Variants in APBB2 observed in about 807,000 individuals in gnomAD.
APBB2 encodes the protein Fe65-like 1.
A neutral mutation model predicts 82.5 loss-of-function variants in APBB2; 38 were observed. The ratio of observed to expected loss-of-function variants is 0.46; its 90% confidence interval spans 0.36 to 0.60. The LOEUF (loss-of-function observed/expected upper bound fraction) is 0.60. Ranked by LOEUF, APBB2 falls within the 20% of genes least tolerant of loss-of-function variation. APBB2 has a pLI of 0.00. For missense variants in APBB2, 772 were observed against 972.3 expected (o/e 0.79, Z 2.74); for synonymous variants, 341 against 368.2 (o/e 0.93, Z 0.85).
At chr4:40,875,308 G>A (rs1205085844) in intron 12 of APBB2, among the ~76,000 whole-genome samples, 1 of 152,170 alleles carries the variant, frequency 6.6e-6, no homozygotes, top group Non-Finnish European at 1.5e-5. Flanking sequence ...AAGACAAAAG[G>A]AGGACAGTGT....
intron 12 of APBB2, among the ~76,000 whole-genome samples, chr4:40,889,271 T>C (rs1478888952): frequency 6.6e-6 from 1 of 152,236 alleles, no homozygotes; most frequent in Non-Finnish European, 1.5e-5. Flanking sequence ...CACTGATGAA[T>C]ACTTGGCCAT....
chr4:40,882,857 G>A (rs1270530157), intron 12 of APBB2, among the ~76,000 whole-genome samples: 1 of 152,172 alleles, frequency 6.6e-6, no homozygotes, highest in African/African-American at 2.4e-5. Flanking sequence ...AAACTTCTTT[G>A]GTGATTGAGT....
At chr4:40,920,789 TG>T (rs988672104) in intron 10 of APBB2, among the ~76,000 whole-genome samples, 21 of 152,162 alleles carry the variant, frequency 1.4e-4, no homozygotes, top group African/African-American at 4.8e-4. Context: ...GAGAATCACT[TG>T]AATCTGGGAG....
intron 10 of APBB2, among the ~76,000 whole-genome samples, chr4:40,895,969 C>G (rs1467185969): frequency 6.6e-6 from 1 of 152,190 alleles, no homozygotes; most frequent in Non-Finnish European, 1.5e-5. Flanking sequence ...CACTTAACCA[C>G]TTTGCTATAT....
At chr4:41,101,174 A>C (rs1745195820) in intron 2 of APBB2, among the ~76,000 whole-genome samples, 1 of 152,192 alleles carries the variant, frequency 6.6e-6, no homozygotes, top group Admixed American at 6.5e-5. Flanking sequence ...TTGTAAATAG[A>C]AGTGAATCGG....
intron 12 of APBB2, among the ~76,000 whole-genome samples, chr4:40,839,504 TCAGGTCAAATACATGGCA>T (rs1755100687): frequency 6.6e-6 from 1 of 152,202 alleles, no homozygotes; most frequent in East Asian, 1.9e-4. Flanking sequence ...TCACAGTTGC[TCAGGTCAAATACATGGCA>T]TGTTTTATTG....
intron 2 of APBB2, among the ~76,000 whole-genome samples, chr4:41,124,681 G>A (rs1753885171): frequency 6.6e-6 from 1 of 152,172 alleles, no homozygotes; most frequent in Non-Finnish European, 1.5e-5. Flanking sequence ...CCATGAATCT[G>A]CTGGATATTC....
At chr4:41,136,590 A>G (rs1757630596) in intron 2 of APBB2, among the ~76,000 whole-genome samples, 1 of 152,196 alleles carries the variant, frequency 6.6e-6, no homozygotes, top group South Asian at 2.1e-4. Context: ...ATTACGAAGA[A>G]AGCAGGAAGC....
chr4:41,106,434 T>C (rs1747262524), intron 2 of APBB2, among the ~76,000 whole-genome samples: 1 of 148,960 alleles, frequency 6.7e-6, no homozygotes, highest in Non-Finnish European at 1.5e-5. Context: ...AAATGATTAA[T>C]GACTTTTAAC....
intron 6 of APBB2, among the ~76,000 whole-genome samples, chr4:41,006,276 T>C (rs971483222): frequency 1.3e-5 from 2 of 152,186 alleles, no homozygotes; most frequent in Non-Finnish European, 2.9e-5. Flanking sequence ...GAACACAGCA[T>C]GCCTAAACTA....
At chr4:40,922,671 C>T (rs946797692) in intron 10 of APBB2, among the ~76,000 whole-genome samples, 4 of 152,182 alleles carry the variant, frequency 2.6e-5, no homozygotes, top group Non-Finnish European at 5.9e-5. Flanking sequence ...AGTGCAGTGG[C>T]GCAATCTCGG....
chr4:40,939,295 C>T (rs1011375674), intron 7 of APBB2, among the ~76,000 whole-genome samples: 1 of 152,286 alleles, frequency 6.6e-6, no homozygotes. Context: ...CCTCCCATAT[C>T]AAACAGGACT....
rs906570745 is a variant in APBB2 at position 41,021,095 on chromosome 4, ATT to A, written c.20-6699_20-6698del. On this transcript the variant is annotated intron_variant, in intron 5 of 17. Transcript: ENST00000508593. ...CCTGTATTTTTAATCTCCTTGTCAAATTTGTTTCCTCTGGGATTGAGGCCGTC... is the reference window on the plus strand; with the variant it reads ...CCTGTATTTTTAATCTCCTTGTCAAATGTTTCCTCTGGGATTGAGGCCGTC... Among the ~76,000 whole-genome samples the A allele has an allele frequency of 5.3e-5, 8 of 152,108 alleles. No homozygotes were observed. In the East Asian group the frequency reaches 7.7e-4, roughly 15 times the overall value.
At chr4:40,983,796 C>T (rs1300903186) in intron 6 of APBB2, among the ~76,000 whole-genome samples, 1 of 152,118 alleles carries the variant, frequency 6.6e-6, no homozygotes, top group Non-Finnish European at 1.5e-5. Flanking sequence ...AAGCTGGTCT[C>T]GAAATCCTGA....
rs187605735 is a variant in APBB2, at chr4:41,098,012, C to G, written c.-149+2627G>C. On this transcript the variant is annotated intron_variant, in intron 3 of 17. Coordinates refer to ENST00000508593, the MANE Select transcript of APBB2 (RefSeq NM_004307.2). Reference sequence around the variant, plus strand: ...TAAATATCAGAAAAGACACCTCCCCCCTCCCCTCCCGTCCCCTCCCATTAA... The same window carrying G: ...TAAATATCAGAAAAGACACCTCCCCGCTCCCCTCCCGTCCCCTCCCATTAA... Among the ~76,000 whole-genome samples the G allele has an allele frequency of 1.1e-4, 17 of 151,180 alleles. No homozygotes were observed. In the East Asian group the frequency reaches 2.5e-3, roughly 22 times the overall value.
At chr4:41,105,021 A>C (rs1227609995) in intron 2 of APBB2, among the ~76,000 whole-genome samples, 1 of 152,234 alleles carries the variant, frequency 6.6e-6, no homozygotes, top group Non-Finnish European at 1.5e-5. Flanking sequence ...CTGCACACCC[A>C]GTAACTACTT....
chr4:41,167,159 C>T (rs150181569), intron 1 of APBB2, among the ~76,000 whole-genome samples: 1 of 152,304 alleles, frequency 6.6e-6, no homozygotes, highest in Non-Finnish European at 1.5e-5. Context: ...ATGCACCAGG[C>T]AAGAGGTGGG....
At chr4:41,069,364 A>C (rs1488503245) in intron 3 of APBB2, among the ~76,000 whole-genome samples, 4 of 152,184 alleles carry the variant, frequency 2.6e-5, no homozygotes, top group Non-Finnish European at 4.4e-5. Flanking sequence ...ATACTTGGAA[A>C]GTATCCCAGT....
intron 12 of APBB2, among the ~76,000 whole-genome samples, chr4:40,872,110 C>A (rs1213408386): frequency 6.6e-6 from 1 of 152,242 alleles, no homozygotes; most frequent in East Asian, 1.9e-4. Context: ...CGCTAAGCAT[C>A]ATTTCCAGCA....
Sources: gnomAD v4.1 joint callset for allele counts (sites outside exome capture counted in the v4.1 genomes callset) on GRCh38, gnomAD v4.1.1 for gene constraint, MANE v1.5 for transcripts, NCBI Gene and HGNC (gene_info 2026-07-23, HGNC 2026-07-21) for gene names.